Variants in MYCBP2 observed in about 807,000 individuals in gnomAD.
MYCBP2 encodes the protein E3 ubiquitin-protein ligase MYCBP2.
Under a neutral mutation model 525.3 loss-of-function variants are expected in MYCBP2, and 120 were observed. That is an observed-to-expected ratio of 0.23 (90% CI 0.20 to 0.27). The LOEUF (loss-of-function observed/expected upper bound fraction) is 0.27, where lower values mean the gene tolerates loss of function less well. Ranked by LOEUF, MYCBP2 falls within the 10% of genes least tolerant of loss-of-function variation. The probability of loss-of-function intolerance (pLI) is 1.00; values close to 1 mark genes in which losing one functional copy is unlikely to be tolerated. For synonymous variants in MYCBP2, 1,894 were observed against 1,955.8 expected, an observed-to-expected ratio of 0.97 and a Z score of 0.83; for missense variants, 4,149 against 5,657.1, an observed-to-expected ratio of 0.73 and a Z score of 8.55.
At chr13:77,245,440 T>C (rs1007345003) in intron 15 of MYCBP2, among the ~76,000 whole-genome samples, 4 of 151,938 alleles carry the variant, frequency 2.6e-5, no homozygotes, top group African/African-American at 9.7e-5. Flanking sequence ...AAAGAATGAG[T>C]TCGTGTTCTT....
intron 1 of MYCBP2, among the ~76,000 whole-genome samples, chr13:77,314,869 A>T (rs1393997614): frequency 1.3e-5 from 2 of 152,172 alleles, no homozygotes; most frequent in African/African-American, 4.8e-5. Context: ...GGAAAGGGAT[A>T]GATGGAAAAT....
At chr13:77,249,788 T>A (rs2070805718) in intron 15 of MYCBP2, among the ~76,000 whole-genome samples, 2 of 152,152 alleles carry the variant, frequency 1.3e-5, no homozygotes, top group Admixed American at 1.3e-4. Flanking sequence ...TCTTTCTGCA[T>A]CCAAATTAAA....
At position 77,083,071 on chromosome 13, in the gene MYCBP2, G is replaced by A; in HGVS notation, c.10997C>T (p.Ser3666Phe). The A allele has an allele frequency of 6.2e-7, 1 of 1,613,384 alleles. No homozygotes were observed. Among genetic ancestry groups the A allele is most frequent in the Non-Finnish European group, 8.5e-7 (1 of 1,179,576 alleles). The stretch of plus-strand genomic sequence containing the variant: ...CTGTAATGAACTGCCGCTGGGGAGA[G>A]ACATCATAAGGTCTGAGATGGTCTG... ...LLQTISDLMM[S>F]LPSGSSLQQM... is the part of the protein sequence containing the mutation. The change falls in exon 63 of 83, where the codon TCT (serine) becomes TTT (phenylalanine). Residue 3666 changes from serine to phenylalanine, a missense_variant. Around this residue, in one of 21 missense-constraint regions of MYCBP2, gnomAD observed 509 missense variants for 789.4 expected, o/e 0.64. Coordinates refer to ENST00000544440, the MANE Select transcript of MYCBP2 (RefSeq NM_015057.5).
chr13:77,214,413 C>G (rs1184709478), intron 21 of MYCBP2, among the ~76,000 whole-genome samples: 2 of 151,502 alleles, frequency 1.3e-5, no homozygotes, highest in Non-Finnish European at 2.9e-5. Context: ...AATGAATAAA[C>G]TATCATATAT....
At chr13:77,130,679 C>G (rs755637321) in intron 52 of MYCBP2, among the ~76,000 whole-genome samples, 9 of 152,072 alleles carry the variant, frequency 5.9e-5, no homozygotes, top group Non-Finnish European at 1.2e-4. Context: ...AATGTCTATA[C>G]TGGTTCATCC....
intron 52 of MYCBP2, among the ~76,000 whole-genome samples, chr13:77,137,493 C>A (rs2154179784): frequency 6.6e-6 from 1 of 152,222 alleles, no homozygotes; most frequent in East Asian, 1.9e-4. Context: ...TAGCTCATGC[C>A]TGTAATATGA....
At chr13:77,189,524 T>C (rs950750396) in intron 29 of MYCBP2, among the ~76,000 whole-genome samples, 2 of 152,010 alleles carry the variant, frequency 1.3e-5, no homozygotes, top group Non-Finnish European at 2.9e-5. Context: ...AACCACAAAG[T>C]GATTACCAGA....
At chr13:77,243,243 A>G in intron 16 of MYCBP2, 83 bp from the exon 17 acceptor site, 1 of 1,032,206 alleles carries the variant, frequency 9.7e-7, no homozygotes, top group Non-Finnish European at 1.5e-6. Flanking sequence ...AATTCAAGAA[A>G]GTAAAAGCTA....
At chr13:77,052,347 C>A (rs2428006) in intron 80 of MYCBP2, among the ~76,000 whole-genome samples, 1 of 152,214 alleles carries the variant, frequency 6.6e-6, no homozygotes, top group South Asian at 2.1e-4. Context: ...CATAGGTGCA[C>A]GCCACCACAC....
intron 44 of MYCBP2, 30 bp downstream of exon 44, chr13:77,161,876 A>C: frequency 6.4e-7 from 1 of 1,566,442 alleles, no homozygotes; most frequent in Middle Eastern, 1.7e-4. Context: ...TAATGTACAA[A>C]GTTTATCCTT....
intron 2 of MYCBP2, among the ~76,000 whole-genome samples, chr13:77,291,308 C>G (rs933267013): frequency 6.6e-6 from 1 of 152,172 alleles, no homozygotes; most frequent in Non-Finnish European, 1.5e-5. Flanking sequence ...TAGAGAAAAG[C>G]AAGCTAAAAC....
At chr13:77,200,590 T>A (rs984172440) in intron 26 of MYCBP2, among the ~76,000 whole-genome samples, 30 of 152,202 alleles carry the variant, frequency 2.0e-4, no homozygotes, top group African/African-American at 6.5e-4. Context: ...CACATAATTG[T>A]CAGATTTACC....
intron 73 of MYCBP2, among the ~76,000 whole-genome samples, chr13:77,063,420 G>A (rs556509340): frequency 6.6e-6 from 1 of 152,128 alleles, no homozygotes; most frequent in South Asian, 2.1e-4. Context: ...TTAGCCAGGT[G>A]TGGTGGTATA....
intron 55 of MYCBP2, among the ~76,000 whole-genome samples, chr13:77,108,713 T>A (rs898080925): frequency 9.2e-5 from 14 of 152,002 alleles, no homozygotes; most frequent in Admixed American, 7.9e-4. Context: ...TTATTTTTTT[T>A]TTTTTTTTGA....
intron 10 of MYCBP2, among the ~76,000 whole-genome samples, chr13:77,263,293 G>A (rs541405515): frequency 7.2e-5 from 11 of 151,990 alleles, no homozygotes; most frequent in South Asian, 4.1e-4. Context: ...CATTTACAAC[G>A]TAAGTTTTCA....
chr13:77,257,052 T>C (rs1165775864), intron 14 of MYCBP2, among the ~76,000 whole-genome samples: 2 of 152,002 alleles, frequency 1.3e-5, no homozygotes, highest in Non-Finnish European at 2.9e-5. Flanking sequence ...TATTTAACCA[T>C]AAAAAACACT....
intron 52 of MYCBP2, among the ~76,000 whole-genome samples, chr13:77,134,902 A>G (rs1299941861): frequency 6.6e-6 from 1 of 152,240 alleles, no homozygotes; most frequent in African/African-American, 2.4e-5. Context: ...GAATACACGA[A>G]TTCTAAAACA....
Position 77,098,522 on chromosome 13 carries a change from G to T in MYCBP2, c.8632C>A (p.Pro2878Thr). Residue 2878 changes from proline (P) to threonine (T), a missense_variant, in exon 56 of 83, where the codon CCA becomes ACA. By Grantham distance (38) the Pro-to-Thr change is conservative. Around this residue, in one of 21 missense-constraint regions of MYCBP2, gnomAD observed 653 missense variants for 744.7 expected, o/e 0.88. Transcript: ENST00000544440. ...ATTTTCTTCTTGCGGAGGGTATCTG[G>T]ATCAAGTGTGTAAGAGTCTGATTTA... is the stretch of plus-strand genomic sequence containing the variant. Reference protein sequence around the residue: ...RSKSDSYTLDPDTLRKKKMPL... With the variant: ...RSKSDSYTLDTDTLRKKKMPL... The T allele has an allele frequency of 6.2e-7, 1 of 1,613,726 alleles. No individual in the cohort carries two copies.
chr13:77,048,669 A>G (rs2036102520), intron 82 of MYCBP2, among the ~76,000 whole-genome samples: 1 of 152,156 alleles, frequency 6.6e-6, no homozygotes, highest in Non-Finnish European at 1.5e-5. Flanking sequence ...CATAGGGATA[A>G]TACCATCTAC....
Sources: gnomAD v4.1 joint callset for allele counts (sites outside exome capture counted in the v4.1 genomes callset) on GRCh38, gnomAD v4.1.1 for gene constraint, gnomAD v4.1.1 regional missense constraint, MANE v1.5 for transcripts, NCBI Gene and HGNC (gene_info 2026-07-23, HGNC 2026-07-21) for gene names.